SLAMF9: variants seen among roughly 807,000 people sequenced by gnomAD.
SLAMF9 encodes CD2 family member 10.
A neutral mutation model predicts 30.4 loss-of-function variants in SLAMF9; 25 were observed. That is an observed-to-expected ratio of 0.82 (90% CI 0.60 to 1.15). The LOEUF is 1.15. Among genes scored for constraint, SLAMF9 ranks in the 50% most tolerant of loss-of-function variants. SLAMF9 has a pLI of 0.00. For missense variants in SLAMF9, 344 were observed against 346.1 expected (o/e 0.99, Z 0.05); for synonymous variants, 129 against 127.2 (o/e 1.01, Z -0.09).
chr1:159,964,123 G>A, the SLAMF9 span, among the ~76,000 whole-genome samples: 1 of 152,162 alleles, frequency 6.6e-6, no homozygotes, highest in African/African-American at 2.4e-5. Context: ...GTCATGATGG[G>A]AGAAAGCAGA....
At chr1:159,970,238 T>A in the SLAMF9 span, among the ~76,000 whole-genome samples, 3 of 152,270 alleles carry the variant, frequency 2.0e-5, no homozygotes, top group South Asian at 6.2e-4. Context: ...TTTAGCTGAA[T>A]GATTAGAAAG....
chr1:159,978,445 G>A, the SLAMF9 span, among the ~76,000 whole-genome samples: 6 of 152,280 alleles, frequency 3.9e-5, no homozygotes, highest in Non-Finnish European at 4.4e-5. Context: ...GTAGGTAGAT[G>A]GACAAATGTA....
upstream of SLAMF9, among the ~76,000 whole-genome samples, chr1:159,958,557 C>T (rs1279391160): frequency 6.6e-6 from 1 of 151,950 alleles, no homozygotes; most frequent in African/African-American, 2.4e-5. Flanking sequence ...ACCTCCTGGG[C>T]TCAAGTGATC....
chr1:159,973,668 G>A, the SLAMF9 span: 1 of 784,558 alleles, frequency 1.3e-6, no homozygotes, highest in Non-Finnish European at 2.1e-6. Flanking sequence ...GAAACCTCGG[G>A]TCCCCACACA....
upstream of SLAMF9, among the ~76,000 whole-genome samples, chr1:159,956,979 G>A (rs761141090): frequency 4.0e-5 from 6 of 151,858 alleles, no homozygotes; most frequent in Admixed American, 1.3e-4. Context: ...AAGCTTAGCC[G>A]GGCGTGGTGG....
At chr1:159,971,372 A>AGAAG in the SLAMF9 span, among the ~76,000 whole-genome samples, 31 of 152,250 alleles carry the variant, frequency 2.0e-4, no homozygotes, top group African/African-American at 6.7e-4. Context: ...CAAGCCAACA[A>AGAAG]GAAGGAAGGA....
the SLAMF9 span, among the ~76,000 whole-genome samples, chr1:159,964,440 G>T: frequency 2.0e-5 from 3 of 152,288 alleles, 1 homozygote; most frequent in Middle Eastern, 6.8e-3. Context: ...AGGGAAGCAG[G>T]TGCAAAGCCA....
At chr1:159,966,927 GT>G in the SLAMF9 span, among the ~76,000 whole-genome samples, 6 of 151,898 alleles carry the variant, frequency 4.0e-5, no homozygotes, top group African/African-American at 1.4e-4. Context: ...TCACTTTGTT[GT>G]TTTTGTTTTT....
upstream of SLAMF9, among the ~76,000 whole-genome samples, chr1:159,955,240 G>C (rs1041103381): frequency 2.6e-5 from 4 of 152,176 alleles, no homozygotes; most frequent in South Asian, 2.1e-4. Flanking sequence ...AGAGGATCAG[G>C]GTTATTAAAT....
intron 2 of SLAMF9, 91 bp from the exon 3 acceptor site, chr1:159,952,625 C>T: frequency 7.5e-7 from 1 of 1,328,572 alleles, no homozygotes; most frequent in Non-Finnish European, 1.0e-6. Flanking sequence ...CTAATGCTAC[C>T]CCTTGACAGC....
chr1:159,955,752 G>A (rs1311375636), upstream of SLAMF9, among the ~76,000 whole-genome samples: 1 of 152,240 alleles, frequency 6.6e-6, no homozygotes, highest in Non-Finnish European at 1.5e-5. Context: ...TTGGAGTCAG[G>A]AGGGTTGGGG....
At chr1:159,977,760 A>T in the SLAMF9 span, among the ~76,000 whole-genome samples, 1 of 152,064 alleles carries the variant, frequency 6.6e-6, no homozygotes, top group African/African-American at 2.4e-5. Context: ...AGATGGAGCC[A>T]GCCATCTACA....
At chr1:159,967,166 C>T in the SLAMF9 span, among the ~76,000 whole-genome samples, 1 of 151,964 alleles carries the variant, frequency 6.6e-6, no homozygotes, top group African/African-American at 2.4e-5. Context: ...TATACTTTAA[C>T]TTCTAGGGTA....
the SLAMF9 span, chr1:159,976,908 G>GAAA: frequency 8.7e-5 from 8 of 91,614 alleles, no homozygotes; most frequent in African/African-American, 2.4e-4. Flanking sequence ...AAGAAGGAAA[G>GAAA]AAAAAAAGAA....
chr1:159,973,426 G>T, the SLAMF9 span: 2 of 510,468 alleles, frequency 3.9e-6, no homozygotes, highest in Non-Finnish European at 7.0e-6. Flanking sequence ...CTGTCCTCTT[G>T]TCCTCACCCA....
the SLAMF9 span, among the ~76,000 whole-genome samples, chr1:159,966,461 T>C: frequency 6.6e-6 from 1 of 152,230 alleles, no homozygotes; most frequent in Non-Finnish European, 1.5e-5. Context: ...GCCATTTTAA[T>C]TCCTTTGGAT....
Position 159,952,681 on chromosome 1 carries a change from A to T in SLAMF9, c.392-147T>A, listed in dbSNP as rs1161053232. 4.0e-5 allele frequency: 33 copies of T among 815,282 alleles called. 1 individual carries two copies. Among genetic ancestry groups the T allele is most frequent in the Non-Finnish European group, 6.2e-5 (33 of 528,112 alleles). The allele number at this position is 815,282 out of a possible 1,614,324, so 50.5% of individuals were successfully genotyped here. Reference sequence around the variant, plus strand: ...TAGGCAAAAGCAAACAAACCCAACCACCATAAAACCTGTGGTTTCAAGGTC... The same window carrying T: ...TAGGCAAAAGCAAACAAACCCAACCTCCATAAAACCTGTGGTTTCAAGGTC... On this transcript the variant is annotated intron_variant, in intron 2 of 3. Transcript: ENST00000368093.
upstream of SLAMF9, among the ~76,000 whole-genome samples, chr1:159,957,836 G>T (rs1651959952): frequency 6.6e-6 from 1 of 150,480 alleles, no homozygotes; most frequent in Non-Finnish European, 1.5e-5. Flanking sequence ...AAGAAAACAG[G>T]GTCATGAGTA....
the SLAMF9 span, among the ~76,000 whole-genome samples, chr1:159,964,124 A>C: frequency 1.1e-4 from 17 of 152,206 alleles, no homozygotes; most frequent in African/African-American, 4.1e-4. Flanking sequence ...TCATGATGGG[A>C]GAAAGCAGAG....
Sources: allele counts gnomAD v4.1 joint callset (sites outside exome capture counted in the v4.1 genomes callset), GRCh38; gene constraint gnomAD v4.1.1; transcripts MANE v1.5; gene names NCBI Gene and HGNC (gene_info 2026-07-23, HGNC 2026-07-21).